The following NCOA2 variants were observed in gnomAD, a reference collection of about 807,000 sequenced individuals.
NCOA2 encodes nuclear receptor coactivator 2.
A neutral mutation model predicts 145.1 loss-of-function variants in NCOA2; 21 were observed. That is an observed-to-expected ratio of 0.14 (90% CI 0.10 to 0.21). The LOEUF is 0.21. Ranked by LOEUF, NCOA2 falls within the 10% of genes least tolerant of loss-of-function variation. NCOA2 has a pLI of 1.00. For synonymous variants in NCOA2, 619 were observed against 637.5 expected, an observed-to-expected ratio of 0.97 and a Z score of 0.44; for missense variants, 1,472 against 1,837.6, an observed-to-expected ratio of 0.80 and a Z score of 3.64.
At chr8:70,324,619 G>T (rs1272534733) in intron 1 of NCOA2, among the ~76,000 whole-genome samples, 1 of 151,646 alleles carries the variant, frequency 6.6e-6, no homozygotes. Flanking sequence ...ACGAGCCATG[G>T]TGTCCAACCC....
intron 15 of NCOA2, among the ~76,000 whole-genome samples, chr8:70,137,465 G>T (rs2131711711): frequency 6.6e-6 from 1 of 152,340 alleles, no homozygotes; most frequent in Admixed American, 6.5e-5. Flanking sequence ...ACAGGTGGTG[G>T]ATTTAATTAT....
chr8:70,138,229 G>C lies in NCOA2; in HGVS notation c.3132C>G (p.Asp1044Glu), dbSNP rs1198655577. ...APWPESILPI[D>E]QASFASQNRQ... ...TGTTTTGGCTGGCAAAAGACGCCTG[G>C]TCTATAGGCAGGATGCTTTCAGGCC... The change falls in exon 15 of 23, where the codon GAC becomes GAG. Residue 1044 changes from aspartate (D) to glutamate (E), a missense_variant. By Grantham distance (45) the Asp-to-Glu change is conservative (BLOSUM62 2). Around this residue, in one of 4 missense-constraint regions of NCOA2, gnomAD observed 953 missense variants for 1,062.1 expected, o/e 0.90. Coordinates refer to ENST00000452400, the MANE Select transcript of NCOA2 (RefSeq NM_006540.4). The C allele has an allele frequency of 1.2e-6, 2 of 1,613,738 alleles. No homozygotes were observed. The highest frequency in any genetic ancestry group is 2.2e-5 in the East Asian group (1 of 44,898).
upstream of NCOA2, among the ~76,000 whole-genome samples, chr8:70,408,034 TC>T (rs1814808619): frequency 1.3e-5 from 2 of 151,924 alleles, no homozygotes; most frequent in East Asian, 3.9e-4. Context: ...CCCTTATTTC[TC>T]CCCCTCTATT....
chr8:70,243,602 T>TA lies in NCOA2; in HGVS notation c.-19-26839dup, dbSNP rs199976144. Among the ~76,000 whole-genome samples, 973 of 151,986 alleles carry TA rather than the reference T, an allele frequency of 6.4e-3. 10 individuals carry two copies. The highest frequency in any genetic ancestry group is 0.027 in the Middle Eastern group (8 of 294). ...AAGGTAACAAAATAAGATTTAAAAA[T>TA]AAAGAAAAACAAAGAAAGCTCAAAT... On this transcript the variant is annotated intron_variant, in intron 2 of 22. Transcript: ENST00000452400.
At chr8:70,324,976 T>C (rs2136213988) in intron 1 of NCOA2, among the ~76,000 whole-genome samples, 1 of 152,338 alleles carries the variant, frequency 6.6e-6, no homozygotes, top group Middle Eastern at 3.4e-3. Context: ...GTAACTTCTC[T>C]TAGTATTTTA....
chr8:70,310,686 G>A (rs1165878868), intron 1 of NCOA2, among the ~76,000 whole-genome samples: 2 of 152,186 alleles, frequency 1.3e-5, no homozygotes, highest in Non-Finnish European at 2.9e-5. Flanking sequence ...AGTAAGGTCA[G>A]TAGTAAGCTG....
intron 12 of NCOA2, 85 bp downstream of exon 12, chr8:70,148,188 G>C (rs747300295): frequency 9.8e-6 from 13 of 1,329,924 alleles, no homozygotes; most frequent in African/African-American, 1.4e-5. Flanking sequence ...TGACTAAGCT[G>C]GTTGCATCAG....
intron 1 of NCOA2, among the ~76,000 whole-genome samples, chr8:70,333,478 C>T (rs750136141): frequency 2.3e-4 from 35 of 152,220 alleles, no homozygotes; most frequent in Admixed American, 8.5e-4. Context: ...CATTGCCTTG[C>T]TCCAACACTG....
intron 2 of NCOA2, among the ~76,000 whole-genome samples, chr8:70,282,626 T>C (rs1825967017): frequency 6.7e-6 from 1 of 149,944 alleles, no homozygotes; most frequent in African/African-American, 2.5e-5. Context: ...AGGCGGAGGT[T>C]GCAGTGAGCT....
chr8:70,456,295 C>T, the NCOA2 span, among the ~76,000 whole-genome samples: 11 of 152,212 alleles, frequency 7.2e-5, no homozygotes, highest in South Asian at 1.7e-3. Context: ...AAATTTAATT[C>T]GTCAGAGTGG....
At chr8:70,168,628 G>C (rs1813894572) in intron 6 of NCOA2, among the ~76,000 whole-genome samples, 1 of 152,170 alleles carries the variant, frequency 6.6e-6, no homozygotes, top group Admixed American at 6.5e-5. Context: ...GCCAGTATCA[G>C]CATTTTGAAA....
chr8:70,175,354 C>T (rs1814709767), intron 4 of NCOA2, among the ~76,000 whole-genome samples: 1 of 152,224 alleles, frequency 6.6e-6, no homozygotes, highest in African/African-American at 2.4e-5. Context: ...TTTTACTGTT[C>T]CACTTCTGCT....
At chr8:70,232,011 C>A (rs1821182392) in intron 2 of NCOA2, among the ~76,000 whole-genome samples, 1 of 152,182 alleles carries the variant, frequency 6.6e-6, no homozygotes, top group Non-Finnish European at 1.5e-5. Context: ...CCTTGTCTGT[C>A]AACTCCAACG....
At chr8:70,235,647 C>T (rs1158527661) in intron 2 of NCOA2, among the ~76,000 whole-genome samples, 2 of 151,884 alleles carry the variant, frequency 1.3e-5, no homozygotes, top group African/African-American at 4.8e-5. Context: ...AGTTAGAGAC[C>T]AGCCTGGGCA....
At chr8:70,207,695 C>G (rs1306629067) in intron 4 of NCOA2, among the ~76,000 whole-genome samples, 1 of 151,542 alleles carries the variant, frequency 6.6e-6, no homozygotes, top group Non-Finnish European at 1.5e-5. Context: ...GAAACCCTGT[C>G]TCTACTAAAA....
At chr8:70,355,706 T>C (rs1809629155) in intron 1 of NCOA2, among the ~76,000 whole-genome samples, 1 of 152,134 alleles carries the variant, frequency 6.6e-6, no homozygotes, top group Admixed American at 6.6e-5. Context: ...ATGCAAATAG[T>C]TTCCTGTTAC....
chr8:70,310,655 G>A (rs1037804555), intron 1 of NCOA2, among the ~76,000 whole-genome samples: 1 of 152,024 alleles, frequency 6.6e-6, no homozygotes, highest in Non-Finnish European at 1.5e-5. Flanking sequence ...CAAGATTCTA[G>A]GGCCTAAAAT....
chr8:70,303,687 T>C (rs565794695), intron 1 of NCOA2, among the ~76,000 whole-genome samples: 11 of 152,326 alleles, frequency 7.2e-5, no homozygotes, highest in African/African-American at 1.9e-4. Flanking sequence ...AGTAAGACAA[T>C]AACCTGCTGC....
intron 11 of NCOA2, among the ~76,000 whole-genome samples, chr8:70,152,993 G>A (rs1161022109): frequency 6.6e-6 from 1 of 152,140 alleles, no homozygotes; most frequent in African/African-American, 2.4e-5. Context: ...ACCTGTATTT[G>A]GAAACAGTGA....
Sources: gnomAD v4.1 joint callset for allele counts (sites outside exome capture counted in the v4.1 genomes callset) on GRCh38, gnomAD v4.1.1 for gene constraint, gnomAD v4.1.1 regional missense constraint, MANE v1.5 for transcripts, NCBI Gene and HGNC (gene_info 2026-07-23, HGNC 2026-07-21) for gene names.